EPHB1: variants seen among roughly 807,000 people sequenced by gnomAD.
EPHB1 encodes ephrin type-B receptor 1.
EPHB1 carries 30 observed loss-of-function variants against 94.4 expected under a neutral mutation model. The observed-to-expected ratio is 0.32, with a 90% CI of 0.24 to 0.43. The LOEUF is 0.43. Ranked by LOEUF, EPHB1 falls within the 20% of genes least tolerant of loss-of-function variation. The pLI, the probability that EPHB1 is intolerant of heterozygous loss-of-function variation, is 1.00. For synonymous variants in EPHB1, 522 were observed against 489.1 expected (o/e 1.07, Z -0.89); for missense variants, 1,055 against 1,308.3 (o/e 0.81, Z 2.99).
chr3:135,226,301 G>A (rs1024391467), intron 12 of EPHB1, among the ~76,000 whole-genome samples: 4 of 152,184 alleles, frequency 2.6e-5, no homozygotes, highest in Non-Finnish European at 4.4e-5. Context: ...GCCCTACCGC[G>A]GCACTCTTCT....
At chr3:135,253,006 A>G (rs1296992532) in intron 15 of EPHB1, among the ~76,000 whole-genome samples, 2 of 150,210 alleles carry the variant, frequency 1.3e-5, no homozygotes, top group African/African-American at 4.9e-5. Context: ...TGGCTGCATA[A>G]ATGTCTTCTT....
At chr3:134,998,774 A>T (rs999225303) in intron 3 of EPHB1, among the ~76,000 whole-genome samples, 3 of 152,210 alleles carry the variant, frequency 2.0e-5, no homozygotes, top group Non-Finnish European at 4.4e-5. Context: ...TCACCACTAC[A>T]TCAACAGTGC....
At chr3:135,007,627 C>G (rs1210420845) in intron 3 of EPHB1, among the ~76,000 whole-genome samples, 1 of 152,186 alleles carries the variant, frequency 6.6e-6, no homozygotes, top group Non-Finnish European at 1.5e-5. Context: ...TTCACCTGCA[C>G]ACCTCCATCT....
chr3:134,978,034 C>G (rs762320817), intron 3 of EPHB1: 2 of 455,530 alleles, frequency 4.4e-6, no homozygotes, highest in Non-Finnish European at 8.8e-6. Flanking sequence ...ATTTCTGCCA[C>G]ACTCACACAG....
chr3:135,124,116 G>A (rs919084525), intron 4 of EPHB1, among the ~76,000 whole-genome samples: 1 of 151,724 alleles, frequency 6.6e-6, no homozygotes, highest in South Asian at 2.1e-4. Flanking sequence ...TGGCAACCAT[G>A]CTGCTTCCTT....
At chr3:135,089,625 A>G in intron 3 of EPHB1, among the ~76,000 whole-genome samples, 1 of 152,144 alleles carries the variant, frequency 6.6e-6, no homozygotes, top group East Asian at 1.9e-4. Flanking sequence ...CCTGACCGTA[A>G]AGCCTGAAAG....
At chr3:134,927,403 CA>C (rs1381215597) in intron 2 of EPHB1, among the ~76,000 whole-genome samples, 1 of 152,204 alleles carries the variant, frequency 6.6e-6, no homozygotes, top group Non-Finnish European at 1.5e-5. Context: ...GGAGCAGGGA[CA>C]GGGGCAGAGC....
At chr3:135,026,558 G>C (rs1936180799) in intron 3 of EPHB1, among the ~76,000 whole-genome samples, 1 of 142,682 alleles carries the variant, frequency 7.0e-6, no homozygotes, top group Admixed American at 7.0e-5. Flanking sequence ...GCTCTGTTCT[G>C]TTCCATTGAT....
chr3:135,208,909 G>T (rs566949635), intron 12 of EPHB1, among the ~76,000 whole-genome samples: 1 of 152,244 alleles, frequency 6.6e-6, no homozygotes, highest in South Asian at 2.1e-4. Flanking sequence ...CCCTTCCAAG[G>T]CCTGGAGAGG....
At chr3:134,888,656 C>T (rs1340816187) in intron 1 of EPHB1, among the ~76,000 whole-genome samples, 4 of 146,562 alleles carry the variant, frequency 2.7e-5, no homozygotes, top group Admixed American at 7.0e-5. Context: ...TGCAGTGAGC[C>T]GTGATCACGC....
At chr3:135,033,442 G>A (rs1442675161) in intron 3 of EPHB1, among the ~76,000 whole-genome samples, 1 of 152,200 alleles carries the variant, frequency 6.6e-6, no homozygotes, top group Admixed American at 6.5e-5. Flanking sequence ...TCTGATATGT[G>A]TATTCACTCA....
chr3:135,162,233 A>G, intron 7 of EPHB1, 53 bp downstream of exon 7: 1 of 1,502,022 alleles, frequency 6.7e-7, no homozygotes, highest in Non-Finnish European at 8.9e-7. Flanking sequence ...GTGTGGGAGA[A>G]AAAGTAGCCC....
chr3:135,147,769 TAG>T (rs1941060998), intron 5 of EPHB1, among the ~76,000 whole-genome samples: 1 of 152,222 alleles, frequency 6.6e-6, no homozygotes. Flanking sequence ...GAAGAGTTGC[TAG>T]AGCATTTGCC....
chr3:135,109,719 G>A (rs1006231126), intron 4 of EPHB1, among the ~76,000 whole-genome samples: 3 of 152,222 alleles, frequency 2.0e-5, no homozygotes, highest in Admixed American at 6.5e-5. Flanking sequence ...CCTACCCTGC[G>A]ACCTGGTGTG....
chr3:134,938,551 C>T (rs538272494), intron 2 of EPHB1, among the ~76,000 whole-genome samples: 5 of 152,226 alleles, frequency 3.3e-5, no homozygotes, highest in South Asian at 2.1e-4. Flanking sequence ...CGCCCAAGCA[C>T]GCATATATCA....
chr3:134,923,181 A>G (rs919081220), intron 1 of EPHB1, among the ~76,000 whole-genome samples: 5 of 152,222 alleles, frequency 3.3e-5, no homozygotes, highest in Admixed American at 2.0e-4. Context: ...TCAAATATGC[A>G]TGGGGCACGA....
chr3:134,938,253 T>C (rs2039047267), intron 2 of EPHB1, among the ~76,000 whole-genome samples: 1 of 152,140 alleles, frequency 6.6e-6, no homozygotes, highest in Admixed American at 6.5e-5. Context: ...TGGTACGCAA[T>C]GCTGCTGCCT....
chr3:135,093,508 A>G (rs1339752914), intron 3 of EPHB1, among the ~76,000 whole-genome samples: 1 of 152,218 alleles, frequency 6.6e-6, no homozygotes, highest in Non-Finnish European at 1.5e-5. Flanking sequence ...ACTTGAGGTC[A>G]GGAGTTCAAG....
chr3:134,847,175 G>GA (rs142214906), intron 1 of EPHB1, among the ~76,000 whole-genome samples: 6,040 of 149,036 alleles, frequency 0.041, 362 homozygotes, highest in African/African-American at 0.14. Context: ...ACACATCATG[G>GA]AAAAAAAAAA....
Sources: gnomAD v4.1 joint callset for allele counts (sites outside exome capture counted in the v4.1 genomes callset) on GRCh38, gnomAD v4.1.1 for gene constraint, MANE v1.5 for transcripts, NCBI Gene and HGNC (gene_info 2026-07-23, HGNC 2026-07-21) for gene names.